PHF24: variants seen among roughly 807,000 people sequenced by gnomAD.
PHF24 encodes the protein PHD finger protein 24, also known as Galpha inhibitory interacting protein.
A neutral mutation model predicts 42.6 loss-of-function variants in PHF24; 25 were observed. The observed-to-expected ratio is 0.59, with a 90% CI of 0.43 to 0.82. The LOEUF is 0.82. Ranked by LOEUF, PHF24 falls within the 40% of genes least tolerant of loss-of-function variation. The probability of loss-of-function intolerance (pLI) is 0.00; values close to 1 mark genes in which losing one functional copy is unlikely to be tolerated. For synonymous variants in PHF24, 185 were observed against 204.8 expected, an observed-to-expected ratio of 0.90 and a Z score of 0.83; for missense variants, 470 against 538.1, an observed-to-expected ratio of 0.87 and a Z score of 1.25.
At chr9:34,830,717 A>G in the PHF24 span, among the ~76,000 whole-genome samples, 35 of 152,168 alleles carry the variant, frequency 2.3e-4, no homozygotes, top group South Asian at 4.1e-4. Flanking sequence ...TGGTATGGCA[A>G]GCTACACTGA....
the PHF24 span, chr9:34,723,598 T>C: frequency 6.4e-7 from 1 of 1,551,764 alleles, no homozygotes; most frequent in Non-Finnish European, 8.7e-7. Flanking sequence ...AACATTTAAT[T>C]TTATTTCTGA....
chr9:34,918,162 G>A, the PHF24 span: 9 of 1,501,092 alleles, frequency 6.0e-6, no homozygotes, highest in Non-Finnish European at 8.3e-6. Context: ...CTGGACTGTC[G>A]GCCAGGAGAA....
intron 7 of PHF24, 43 bp downstream of exon 7, chr9:34,977,684 C>T: frequency 6.8e-7 from 1 of 1,468,794 alleles, no homozygotes; most frequent in Non-Finnish European, 9.3e-7. Context: ...CCCTCTGAAC[C>T]CCCACAAAAC....
chr9:34,696,994 C>G, the PHF24 span, among the ~76,000 whole-genome samples: 1 of 152,220 alleles, frequency 6.6e-6, no homozygotes, highest in Non-Finnish European at 1.5e-5. Context: ...TTTGCAGGAA[C>G]TTGTCAACTT....
chr9:34,717,880 T>C, the PHF24 span, among the ~76,000 whole-genome samples: 1 of 152,226 alleles, frequency 6.6e-6, no homozygotes, highest in Admixed American at 6.5e-5. Flanking sequence ...TGTGAGTTTG[T>C]CTTCCTTGAC....
chr9:34,887,806 C>T, the PHF24 span, among the ~76,000 whole-genome samples: 54 of 152,262 alleles, frequency 3.5e-4, no homozygotes, highest in African/African-American at 1.1e-3. Context: ...ATGCTCCCAA[C>T]GTAAGTTCCT....
At chr9:34,944,394 G>A in the PHF24 span, among the ~76,000 whole-genome samples, 10 of 152,272 alleles carry the variant, frequency 6.6e-5, no homozygotes, top group South Asian at 2.1e-3. Flanking sequence ...CCCTTATCAG[G>A]TCTATCACTT....
the PHF24 span, among the ~76,000 whole-genome samples, chr9:34,797,627 C>T: frequency 1.3e-5 from 2 of 152,026 alleles, no homozygotes; most frequent in African/African-American, 4.8e-5. Context: ...GTGTGCTCCC[C>T]TCAATGGCTT....
chr9:34,700,584 G>A, the PHF24 span, among the ~76,000 whole-genome samples: 1 of 152,176 alleles, frequency 6.6e-6, no homozygotes, highest in Non-Finnish European at 1.5e-5. Flanking sequence ...ATAGACTTAA[G>A]TTGAAGCTGC....
chr9:34,783,876 C>T, the PHF24 span, among the ~76,000 whole-genome samples: 20 of 152,278 alleles, frequency 1.3e-4, no homozygotes, highest in Non-Finnish European at 1.2e-4. Flanking sequence ...TATAATGTTG[C>T]CTTTCCTGTT....
At chr9:34,981,872 C>T (rs1039471249) in exon 8 of PHF24, 3 of 151,982 alleles carry the variant, frequency 2.0e-5, no homozygotes, top group African/African-American at 7.3e-5. Flanking sequence ...GGCGAGATCT[C>T]CTGGAGTGGG....
At chr9:34,835,326 G>T in the PHF24 span, 2 of 1,551,672 alleles carry the variant, frequency 1.3e-6, no homozygotes, top group Non-Finnish European at 1.7e-6. Context: ...TAATACAATG[G>T]TGGGTTTGGC....
At chr9:34,703,463 C>G in the PHF24 span, among the ~76,000 whole-genome samples, 1 of 152,104 alleles carries the variant, frequency 6.6e-6, no homozygotes, top group Non-Finnish European at 1.5e-5. Context: ...GCCACTGCCC[C>G]CAGCCCATTA....
chr9:34,754,443 T>C, the PHF24 span, among the ~76,000 whole-genome samples: 1 of 152,064 alleles, frequency 6.6e-6, no homozygotes, highest in Non-Finnish European at 1.5e-5. Flanking sequence ...TAAGTGATCA[T>C]CAGATAAATG....
At chr9:34,778,335 A>C in the PHF24 span, among the ~76,000 whole-genome samples, 1 of 152,236 alleles carries the variant, frequency 6.6e-6, no homozygotes. Flanking sequence ...AAATTGTCAG[A>C]TTGGGTTACA....
At chr9:34,951,085 C>A in the PHF24 span, among the ~76,000 whole-genome samples, 1 of 152,128 alleles carries the variant, frequency 6.6e-6, no homozygotes, top group Non-Finnish European at 1.5e-5. Flanking sequence ...TTCTATTGTT[C>A]CTTAACAAAT....
At chr9:34,968,225 G>A (rs897677015) in intron 1 of PHF24, among the ~76,000 whole-genome samples, 9 of 152,098 alleles carry the variant, frequency 5.9e-5, no homozygotes, top group African/African-American at 1.2e-4. Context: ...TTCGTGGTAC[G>A]TAATTTATTT....
chr9:34,723,908 T>C, the PHF24 span: 5 of 1,551,612 alleles, frequency 3.2e-6, no homozygotes, highest in East Asian at 2.4e-5. Context: ...CTGGGGGCTG[T>C]GTTGACAGGG....
At chr9:34,810,315 A>G in the PHF24 span, among the ~76,000 whole-genome samples, 2 of 151,982 alleles carry the variant, frequency 1.3e-5, no homozygotes, top group African/African-American at 4.8e-5. Flanking sequence ...AGCTGCCTCT[A>G]TTGGGGGGAG....
Sources: allele counts gnomAD v4.1 joint callset (sites outside exome capture counted in the v4.1 genomes callset), GRCh38; gene constraint gnomAD v4.1.1; transcripts MANE v1.5; gene names NCBI Gene and HGNC (gene_info 2026-07-23, HGNC 2026-07-21).